Variants in PCDHGA2 observed in about 807,000 individuals in gnomAD.
PCDHGA2 encodes the protein protocadherin gamma subfamily A, 2.
In PCDHGA2, 40 loss-of-function variants were observed where a neutral mutation model predicts 59.2. The ratio of observed to expected loss-of-function variants is 0.68; its 90% CI spans 0.52 to 0.88. PCDHGA2 has a LOEUF of 0.88. Ranked by LOEUF, PCDHGA2 falls within the 40% of genes least tolerant of loss-of-function variation. The pLI is 0.00. For synonymous variants in PCDHGA2, 560 were observed against 526.0 expected (o/e 1.06, Z -0.89); for missense variants, 1,226 against 1,204.0 (o/e 1.02, Z -0.27).
chr5:141,414,799 G>A, intron 1 of PCDHGA2: 1 of 1,614,214 alleles, frequency 6.2e-7, no homozygotes, highest in Non-Finnish European at 8.5e-7. Context: ...CAGCGACAGC[G>A]GGGATCCTCC....
chr5:141,396,882 G>C (rs2093447309), intron 1 of PCDHGA2, among the ~76,000 whole-genome samples: 3 of 152,208 alleles, frequency 2.0e-5, no homozygotes, highest in African/African-American at 7.2e-5. Flanking sequence ...GCACATTTGA[G>C]AGGACAACAT....
intron 1 of PCDHGA2, chr5:141,384,711 G>T (rs765373675): frequency 2.5e-6 from 4 of 1,614,160 alleles, no homozygotes; most frequent in Non-Finnish European, 3.4e-6. Flanking sequence ...ACGCCTGGCT[G>T]TCATACCTCC....
intron 1 of PCDHGA2, chr5:141,375,243 C>G: frequency 6.2e-7 from 1 of 1,613,896 alleles, no homozygotes; most frequent in Non-Finnish European, 8.5e-7. Flanking sequence ...TGTTCCATCC[C>G]GAGAAGTCTC....
rs201704748 is a variant in PCDHGA2, at chr5:141,431,453, G to A, written c.2425-63354G>A. The A allele has an allele frequency of 5.7e-4, 914 of 1,613,802 alleles. 10 individuals are homozygous for A. The South Asian group carries it at 9.6e-3, about 17-fold the overall frequency. ...AGGCACCGCGCGCATCCGCGTGATG[G>A]TTCTGGATGCGAACGACAACGCACC... On this transcript the variant is annotated intron_variant, in intron 1 of 3. Coordinates refer to ENST00000394576, the MANE Select transcript of PCDHGA2 (RefSeq NM_018915.4). This position sits in a 1 kb window ranked among gnomAD's most constrained non-coding sequence, Gnocchi z 4.8.
chr5:141,512,942 C>T lies in PCDHGA2; in HGVS notation c.*1769C>T, dbSNP rs1596321854. 3.3e-5 allele frequency: 5 copies of T among 151,644 alleles called. No individual in the cohort carries two copies. The South Asian group carries it at 1.0e-3, about 32-fold the overall frequency. The allele number at this position is 151,644 out of a possible 1,614,324, so 9.4% of individuals were successfully genotyped here. On this transcript the variant is annotated 3_prime_UTR_variant, in exon 4 of 4. Transcript: ENST00000394576. Reference sequence around the variant, plus strand: ...TAATATTTATATGGCTTTTTTTCTTCGACAAAAAAATAATAAAACGTTTCT... The same window carrying T: ...TAATATTTATATGGCTTTTTTTCTTTGACAAAAAAATAATAAAACGTTTCT...
In PCDHGA2 at chr5:141,476,650, A is replaced by G. The variant is rs2099395609; in HGVS notation, c.2425-18157A>G. 6.2e-7 allele frequency: 1 copy of G among 1,614,126 alleles called. No individual in the cohort carries two copies. The highest frequency in any genetic ancestry group is 1.3e-5 in the African/African-American group (1 of 74,952). On this transcript the variant is annotated intron_variant, in intron 1 of 3. Transcript: ENST00000394576. This position sits in a 1 kb window ranked among gnomAD's most constrained non-coding sequence, Gnocchi z 7.6. Reference sequence around the variant, plus strand: ...AAACCTATGAGCTGAGCCGAAATGAATACTTTGCGCTTCGCGTGCAGACGC... The same window carrying G: ...AAACCTATGAGCTGAGCCGAAATGAGTACTTTGCGCTTCGCGTGCAGACGC...
intron 1 of PCDHGA2, chr5:141,441,945 G>A: frequency 3.0e-6 from 1 of 333,884 alleles, no homozygotes; most frequent in Non-Finnish European, 5.8e-6. Flanking sequence ...ACCACGTGCT[G>A]CAGGCCAGCA....
intron 1 of PCDHGA2, chr5:141,384,316 T>C (rs1779949710): frequency 6.2e-7 from 1 of 1,613,858 alleles, no homozygotes; most frequent in Non-Finnish European, 8.5e-7. Context: ...CTCCATTTTC[T>C]TAGTGACTGC....
intron 1 of PCDHGA2, among the ~76,000 whole-genome samples, chr5:141,448,751 T>C (rs888567097): frequency 1.3e-5 from 2 of 151,804 alleles, no homozygotes; most frequent in South Asian, 4.2e-4. Context: ...CCATCCTGGC[T>C]AACACGGTGA....
intron 1 of PCDHGA2, among the ~76,000 whole-genome samples, chr5:141,454,062 A>T (rs548960162): frequency 6.6e-6 from 1 of 152,380 alleles, no homozygotes; most frequent in East Asian, 1.9e-4. Context: ...CAAAGAAACA[A>T]AAGTGATAAT....
rs759239364 is a variant in PCDHGA2 at position 141,361,410 on chromosome 5, C to T, written c.2424+20015C>T. 1.6e-5 allele frequency: 26 copies of T among 1,613,936 alleles called. No homozygotes were observed. In the Admixed American group the frequency reaches 4.0e-4, roughly 25 times the overall value. ...AATACAATCTCACCATCACAGCCAC[C>T]GACGGGGGCAAGCCGCCCCTCTCCT... On this transcript the variant is annotated intron_variant, in intron 1 of 3. Transcript: ENST00000394576.
intron 1 of PCDHGA2, chr5:141,344,743 A>G: frequency 6.2e-7 from 1 of 1,614,002 alleles, no homozygotes; most frequent in South Asian, 1.1e-5. Flanking sequence ...GATGCAAATG[A>G]CAACCCACCA....
intron 1 of PCDHGA2, chr5:141,370,872 C>A (rs201155008): frequency 6.2e-7 from 1 of 1,614,014 alleles, no homozygotes; most frequent in Admixed American, 1.7e-5. Flanking sequence ...TGCGCAAGAT[C>A]CTGATGTAGG....
At chr5:141,415,653 G>T in intron 1 of PCDHGA2, 1 of 1,539,362 alleles carries the variant, frequency 6.5e-7, no homozygotes, top group Non-Finnish European at 8.8e-7. Context: ...AAAAAAAAAA[G>T]ATTGGTTTTT....
In PCDHGA2 at chr5:141,431,553, A is replaced by G; in HGVS notation, c.2425-63254A>G. ...TTGGGCACGCAGCTGCTTGTAGTCA[A>G]CGCTACCGACCCTGACGAAGGAGTC... On this transcript the variant is annotated intron_variant, in intron 1 of 3. Transcript: ENST00000394576. The surrounding 1 kb of genome is among the most constrained non-coding windows in gnomAD (Gnocchi z 4.8). 1.2e-6 allele frequency: 2 copies of G among 1,614,112 alleles called. No individual in the cohort carries two copies. Among genetic ancestry groups the G allele is most frequent in the Non-Finnish European group, 1.7e-6 (2 of 1,180,020 alleles).
chr5:141,361,529 ATCC>A (rs768400418), intron 1 of PCDHGA2: 1 of 1,614,030 alleles, frequency 6.2e-7, no homozygotes, highest in South Asian at 1.1e-5. Context: ...GCAGAGAACA[ATCC>A]TCCTGGCGCC....
At chr5:141,502,978 G>T (rs1004984942) in intron 2 of PCDHGA2, among the ~76,000 whole-genome samples, 1 of 150,096 alleles carries the variant, frequency 6.7e-6, no homozygotes, top group Non-Finnish European at 1.5e-5. Context: ...CAAGTAGCTG[G>T]GATTACAGGC....
In PCDHGA2 at chr5:141,365,826, C is replaced by A. The variant is rs775602102; in HGVS notation, c.2424+24431C>A. The A allele has an allele frequency of 2.5e-6, 4 of 1,613,906 alleles. No homozygotes were observed. In the East Asian group the frequency reaches 6.7e-5, roughly 27 times the overall value. ...CTGGCTGAAGACACATTTCAGGGGGCGCCCTTGTCCTCCTATGTATCCATT... is the reference window on the plus strand; with the variant it reads ...CTGGCTGAAGACACATTTCAGGGGGAGCCCTTGTCCTCCTATGTATCCATT... On this transcript the variant is annotated intron_variant, in intron 1 of 3. Coordinates refer to ENST00000394576, the MANE Select transcript of PCDHGA2 (RefSeq NM_018915.4).
Position 141,477,200 on chromosome 5 carries a change from C to T in PCDHGA2, c.2425-17607C>T. ...AGTCACCTCCGTGTACAGCCCAGTACCCGAGGATGCCCCTCTGGGGACTGT... is the reference window on the plus strand; with the variant it reads ...AGTCACCTCCGTGTACAGCCCAGTATCCGAGGATGCCCCTCTGGGGACTGT... On this transcript the variant is annotated intron_variant, in intron 1 of 3. Transcript: ENST00000394576. This position sits in a 1 kb window ranked among gnomAD's most constrained non-coding sequence, Gnocchi z 4.9. The T allele has an allele frequency of 1.2e-6, 2 of 1,614,206 alleles. No individual in the cohort carries two copies. The highest frequency in any genetic ancestry group is 1.3e-5 in the African/African-American group (1 of 75,056).
Sources: allele counts gnomAD v4.1 joint callset (sites outside exome capture counted in the v4.1 genomes callset), GRCh38; gene constraint gnomAD v4.1.1; non-coding constraint Gnocchi (gnomAD v3.1); transcripts MANE v1.5; gene names NCBI Gene and HGNC (gene_info 2026-07-23, HGNC 2026-07-21).